RBFOX1: variants seen among roughly 807,000 people sequenced by gnomAD.
RBFOX1 encodes the protein RNA binding fox-1 homolog 1.
Under a neutral mutation model 57.7 loss-of-function variants are expected in RBFOX1, and 8 were observed. That is an observed-to-expected ratio of 0.14 (90% CI 0.08 to 0.25). The LOEUF is 0.25. Among genes scored for constraint, RBFOX1 ranks in the 10% least tolerant of loss-of-function variants. The pLI, the probability that RBFOX1 is intolerant of heterozygous loss-of-function variation, is 1.00. For missense variants in RBFOX1, 611 were observed against 548.5 expected (o/e 1.11, Z -1.14); for synonymous variants, 326 against 222.4 (o/e 1.47, Z -4.15).
intron 4 of RBFOX1, among the ~76,000 whole-genome samples, chr16:7,096,079 T>C (rs8061891): frequency 0.11 from 16,776 of 151,122 alleles, 993 homozygotes; most frequent in East Asian, 0.2. Flanking sequence ...GCATGAGATA[T>C]TGTGTGTGCT....
intron 2 of RBFOX1, among the ~76,000 whole-genome samples, chr16:5,583,011 C>G (rs910337443): frequency 1.3e-5 from 2 of 152,172 alleles, no homozygotes; most frequent in African/African-American, 4.8e-5. Flanking sequence ...ACTCTGTCCT[C>G]TTTTTAACAG....
intron 3 of RBFOX1, among the ~76,000 whole-genome samples, chr16:6,861,835 T>TA (rs1470610948): frequency 1.3e-5 from 2 of 149,944 alleles, no homozygotes; most frequent in East Asian, 3.9e-4. Context: ...TTTTTTTTTT[T>TA]TTTTTTTTTG....
chr16:5,756,421 A>G (rs1157805205), intron 3 of RBFOX1, among the ~76,000 whole-genome samples: 3 of 151,994 alleles, frequency 2.0e-5, no homozygotes, highest in African/African-American at 7.3e-5. Context: ...TCTTGCTTAG[A>G]CCTGGTTTCT....
chr16:7,154,583 C>G (rs2076714704), intron 4 of RBFOX1, among the ~76,000 whole-genome samples: 1 of 151,952 alleles, frequency 6.6e-6, no homozygotes. Flanking sequence ...TATATTTAAA[C>G]TTGAAGGCAT....
chr16:6,764,486 C>G (rs1415375306), intron 3 of RBFOX1, among the ~76,000 whole-genome samples: 3 of 152,122 alleles, frequency 2.0e-5, no homozygotes, highest in Non-Finnish European at 4.4e-5. Flanking sequence ...TCTGTCCATT[C>G]ATTCATCCCA....
intron 4 of RBFOX1, among the ~76,000 whole-genome samples, chr16:7,363,270 G>C (rs1298555830): frequency 6.6e-6 from 1 of 152,136 alleles, no homozygotes; most frequent in East Asian, 1.9e-4. Context: ...AAAACCTCCA[G>C]ATAAACCTGT....
intron 3 of RBFOX1, among the ~76,000 whole-genome samples, chr16:5,725,808 T>G (rs1413338533): frequency 6.6e-6 from 1 of 151,854 alleles, no homozygotes; most frequent in Non-Finnish European, 1.5e-5. Flanking sequence ...CTCAGGGCTG[T>G]TCTAGGATGC....
chr16:7,645,539 G>A (rs1456898190), intron 11 of RBFOX1, among the ~76,000 whole-genome samples: 1 of 152,174 alleles, frequency 6.6e-6, no homozygotes, highest in Non-Finnish European at 1.5e-5. Flanking sequence ...AATGGAATAT[G>A]AATATTAAAG....
At chr16:7,071,127 A>G (rs2057249861) in intron 4 of RBFOX1, among the ~76,000 whole-genome samples, 1 of 152,188 alleles carries the variant, frequency 6.6e-6, no homozygotes, top group African/African-American at 2.4e-5. Flanking sequence ...ATTTCTTCAC[A>G]AGTGGAGCTT....
At chr16:5,694,986 G>A (rs1292509940) in intron 3 of RBFOX1, among the ~76,000 whole-genome samples, 1 of 151,732 alleles carries the variant, frequency 6.6e-6, no homozygotes, top group Non-Finnish European at 1.5e-5. Context: ...TAAAGGTGAG[G>A]GTCTGGAAGC....
intron 4 of RBFOX1, among the ~76,000 whole-genome samples, chr16:7,410,841 G>A (rs143777473): frequency 0.31 from 42,943 of 138,814 alleles, 7,309 homozygotes; most frequent in East Asian, 0.55. Context: ...GTGTGTGTGT[G>A]TGTGTGTGTG....
intron 3 of RBFOX1, among the ~76,000 whole-genome samples, chr16:6,842,728 T>G (rs1393849807): frequency 6.6e-6 from 1 of 151,574 alleles, no homozygotes; most frequent in Non-Finnish European, 1.5e-5. Context: ...TAGGTATACA[T>G]GTGCCATGGT....
Position 5,862,385 on chromosome 16 carries a change from G to A in RBFOX1, c.319-4918G>A, listed in dbSNP as rs114579786. 6.1e-3 allele frequency among the ~76,000 whole-genome samples: 931 copies of A among 152,264 alleles called. 10 individuals are homozygous for A. The highest frequency in any genetic ancestry group is 0.021 in the African/African-American group (854 of 41,554). On this transcript the variant is annotated intron_variant, in intron 3 of 19. Transcript: ENST00000641259. ...CTACCAGGGATGGCACTTGAGGGAG[G>A]GGTGTGATTATTCAGTCTTGCTGCC... is the stretch of plus-strand genomic sequence containing the variant.
intron 3 of RBFOX1, among the ~76,000 whole-genome samples, chr16:6,768,466 C>A (rs544201351): frequency 6.6e-4 from 101 of 151,994 alleles, no homozygotes; most frequent in Non-Finnish European, 1.0e-3. Context: ...CCCCAGCCCA[C>A]ACAAGCCTTC....
chr16:5,273,932 C>T (rs1217596127), intron 1 of RBFOX1, among the ~76,000 whole-genome samples: 1 of 152,108 alleles, frequency 6.6e-6, no homozygotes, highest in Non-Finnish European at 1.5e-5. Flanking sequence ...TGCCAGGTAT[C>T]CAGGGACTCG....
At chr16:6,563,559 G>GACCAAGGAAA (rs2097213120) in intron 2 of RBFOX1, among the ~76,000 whole-genome samples, 1 of 152,142 alleles carries the variant, frequency 6.6e-6, no homozygotes, top group Admixed American at 6.5e-5. Flanking sequence ...CCGATAAAAA[G>GACCAAGGAAA]ATGGCTGGGT....
intron 4 of RBFOX1, among the ~76,000 whole-genome samples, chr16:7,090,166 T>G (rs2060590705): frequency 6.6e-6 from 1 of 152,178 alleles, no homozygotes; most frequent in South Asian, 2.1e-4. Flanking sequence ...CATTGATGTG[T>G]GAAAATAGTG....
chr16:6,790,999 A>G (rs1444487425), intron 3 of RBFOX1, among the ~76,000 whole-genome samples: 1 of 151,704 alleles, frequency 6.6e-6, no homozygotes. Context: ...TCTGGCTCTC[A>G]GGTTCAGGTA....
chr16:6,045,376 G>C (rs1005863555), intron 1 of RBFOX1, among the ~76,000 whole-genome samples: 1 of 152,116 alleles, frequency 6.6e-6, no homozygotes, highest in Non-Finnish European at 1.5e-5. Flanking sequence ...AGTTCTCTAG[G>C]AAGTAGGAAA....
Sources: gnomAD v4.1 joint callset for allele counts (sites outside exome capture counted in the v4.1 genomes callset) on GRCh38, gnomAD v4.1.1 for gene constraint, MANE v1.5 for transcripts, NCBI Gene and HGNC (gene_info 2026-07-23, HGNC 2026-07-21) for gene names.